Variants in CTNND2 observed in about 807,000 individuals in gnomAD.
CTNND2 encodes the protein catenin delta 2.
CTNND2 carries 22 observed loss-of-function variants against 144.4 expected under a neutral mutation model. That is an observed-to-expected ratio of 0.15 (90% CI 0.11 to 0.22). The LOEUF (loss-of-function observed/expected upper bound fraction) is 0.22, where lower values mean the gene tolerates loss of function less well. Among genes scored for constraint, CTNND2 ranks in the 10% least tolerant of loss-of-function variants. The pLI, the probability that CTNND2 is intolerant of heterozygous loss-of-function variation, is 1.00. For synonymous variants in CTNND2, 751 were observed against 695.6 expected, an observed-to-expected ratio of 1.08 and a Z score of -1.25; for missense variants, 1,353 against 1,618.8, an observed-to-expected ratio of 0.84 and a Z score of 2.82.
chr5:11,809,603 AAT>A (rs2126905245), intron 1 of CTNND2, among the ~76,000 whole-genome samples: 1 of 152,320 alleles, frequency 6.6e-6, no homozygotes, highest in East Asian at 1.9e-4. Flanking sequence ...CAGGTCTCCA[AAT>A]AGCAAAGGGA....
chr5:11,164,508 G>A (rs915557742), intron 11 of CTNND2, among the ~76,000 whole-genome samples: 5 of 151,996 alleles, frequency 3.3e-5, no homozygotes, highest in South Asian at 2.1e-4. Context: ...TCTGTTTGAC[G>A]TGGAGTGGAG....
At chr5:11,482,501 A>G (rs996727787) in intron 3 of CTNND2, among the ~76,000 whole-genome samples, 12 of 152,134 alleles carry the variant, frequency 7.9e-5, no homozygotes, top group Non-Finnish European at 1.8e-4. Context: ...GTAGTGAATA[A>G]AAACATCAAG....
chr5:11,420,506 C>A (rs1581157472), intron 3 of CTNND2, among the ~76,000 whole-genome samples: 2 of 152,140 alleles, frequency 1.3e-5, no homozygotes, highest in South Asian at 2.1e-4. Flanking sequence ...ATGCCCTTAG[C>A]CTCAAGTACT....
chr5:11,332,268 T>TC (rs770303859), intron 9 of CTNND2, among the ~76,000 whole-genome samples: 66 of 129,994 alleles, frequency 5.1e-4, no homozygotes, highest in Admixed American at 1.3e-3. Flanking sequence ...AGAGCTAAAC[T>TC]CCGTCTCAAA....
intron 9 of CTNND2, among the ~76,000 whole-genome samples, chr5:11,328,453 C>CT (rs963628418): frequency 9.7e-4 from 146 of 151,050 alleles, no homozygotes; most frequent in African/African-American, 3.3e-3. Flanking sequence ...GTCACCAGAC[C>CT]TTTTTTTTTG....
chr5:11,107,178 G>A (rs1024953623), intron 14 of CTNND2, among the ~76,000 whole-genome samples: 5 of 152,152 alleles, frequency 3.3e-5, no homozygotes, highest in East Asian at 1.9e-4. Context: ...AAGGAGGCAC[G>A]CTGAAGGTGT....
chr5:11,436,601 C>T (rs1467287943), intron 3 of CTNND2, among the ~76,000 whole-genome samples: 2 of 152,190 alleles, frequency 1.3e-5, no homozygotes, highest in African/African-American at 4.8e-5. Flanking sequence ...TTACTCTTCC[C>T]TTGGTTTTGA....
At chr5:11,456,946 G>A (rs1428980580) in intron 3 of CTNND2, among the ~76,000 whole-genome samples, 1 of 152,124 alleles carries the variant, frequency 6.6e-6, no homozygotes, top group Non-Finnish European at 1.5e-5. Flanking sequence ...CAGCATAATT[G>A]TACTAAATTG....
chr5:11,096,667 G>A (rs921741142), intron 15 of CTNND2, among the ~76,000 whole-genome samples: 31 of 152,302 alleles, frequency 2.0e-4, no homozygotes, highest in Middle Eastern at 3.4e-3. Flanking sequence ...AGAGGCCAAA[G>A]ATATTTCTCC....
chr5:11,112,528 T>C (rs1313679596), intron 13 of CTNND2, among the ~76,000 whole-genome samples: 1 of 152,252 alleles, frequency 6.6e-6, no homozygotes, highest in African/African-American at 2.4e-5. Context: ...ACTGCTGGTC[T>C]CTAGAGCTAT....
intron 1 of CTNND2, among the ~76,000 whole-genome samples, chr5:11,846,750 A>C (rs886891347): frequency 2.0e-5 from 3 of 152,110 alleles, no homozygotes; most frequent in Non-Finnish European, 4.4e-5. Flanking sequence ...CAATAGCAAA[A>C]ATAAGCAAAT....
intron 2 of CTNND2, among the ~76,000 whole-genome samples, chr5:11,663,248 C>T (rs1369259963): frequency 6.6e-6 from 1 of 152,122 alleles, no homozygotes; most frequent in Non-Finnish European, 1.5e-5. Context: ...TTAGATCACC[C>T]TAATGTTCTC....
intron 3 of CTNND2, among the ~76,000 whole-genome samples, chr5:11,458,252 G>A (rs1765901054): frequency 6.6e-6 from 1 of 151,998 alleles, no homozygotes; most frequent in Admixed American, 6.5e-5. Flanking sequence ...TATGTAAGAG[G>A]AAGACAGGCC....
intron 1 of CTNND2, among the ~76,000 whole-genome samples, chr5:11,853,275 C>T (rs1361553994): frequency 2.6e-5 from 4 of 152,116 alleles, no homozygotes; most frequent in Admixed American, 6.5e-5. Context: ...CAGGTGCAGG[C>T]ACAGCCAAGC....
intron 1 of CTNND2, among the ~76,000 whole-genome samples, chr5:11,815,896 G>C (rs1177153949): frequency 3.3e-5 from 5 of 152,072 alleles, no homozygotes; most frequent in Admixed American, 2.0e-4. Context: ...CAGAGAAAAG[G>C]CTCCTCCTCA....
At chr5:11,085,816 C>A (rs912490029) in intron 15 of CTNND2, among the ~76,000 whole-genome samples, 10 of 152,272 alleles carry the variant, frequency 6.6e-5, no homozygotes, top group South Asian at 6.2e-4. Context: ...GACAAGCCCC[C>A]CTCCATGGAT....
chr5:11,382,871 C>A (rs1049580788), intron 7 of CTNND2, among the ~76,000 whole-genome samples: 2 of 152,092 alleles, frequency 1.3e-5, no homozygotes, highest in African/African-American at 4.8e-5. Context: ...TTGCAATATT[C>A]CTAATCTCTC....
At chr5:11,805,766 T>C (rs1286565073) in intron 1 of CTNND2, among the ~76,000 whole-genome samples, 2 of 152,104 alleles carry the variant, frequency 1.3e-5, no homozygotes, top group Non-Finnish European at 2.9e-5. Context: ...ACATAGAACA[T>C]AGATCCACCA....
At chr5:11,038,669 G>C (rs1264578402) in intron 16 of CTNND2, among the ~76,000 whole-genome samples, 1 of 152,144 alleles carries the variant, frequency 6.6e-6, no homozygotes, top group Non-Finnish European at 1.5e-5. Context: ...GAATCTGAAA[G>C]TTCTGGATTA....
Sources: allele counts gnomAD v4.1 joint callset (sites outside exome capture counted in the v4.1 genomes callset), GRCh38; gene constraint gnomAD v4.1.1; transcripts MANE v1.5; gene names NCBI Gene and HGNC (gene_info 2026-07-23, HGNC 2026-07-21).